Variants in TXNL4A observed in about 807,000 individuals in gnomAD.
TXNL4A encodes the protein thioredoxin-like protein 4A.
In TXNL4A, 17 loss-of-function variants were observed where a neutral mutation model predicts 14.6. The ratio of observed to expected loss-of-function variants is 1.16; its 90% CI spans 0.80 to 1.74. The LOEUF (loss-of-function observed/expected upper bound fraction) is 1.74, where lower values mean the gene tolerates loss of function less well. Ranked by LOEUF, TXNL4A falls within the 40% of genes most tolerant of loss-of-function variation. The probability of loss-of-function intolerance (pLI) is 0.00; values close to 1 mark genes in which losing one functional copy is unlikely to be tolerated. For synonymous variants in TXNL4A, 83 were observed against 70.6 expected (o/e 1.18, Z -0.88); for missense variants, 74 against 195.2 (o/e 0.38, Z 3.70).
intron 2 of TXNL4A, among the ~76,000 whole-genome samples, chr18:79,974,555 T>C (rs918816124): frequency 6.6e-6 from 1 of 152,186 alleles, no homozygotes; most frequent in Admixed American, 6.5e-5. Context: ...TAGGGCATAG[T>C]GGCAAAATCA....
At chr18:79,995,899 G>A (rs551625908) in intron 1 of TXNL4A, among the ~76,000 whole-genome samples, 3 of 151,954 alleles carry the variant, frequency 2.0e-5, no homozygotes, top group African/African-American at 7.2e-5. Flanking sequence ...TCAGGAGATC[G>A]AGACCATCTT....
At chr18:80,016,867 A>G (rs1387344430) in intron 1 of TXNL4A, among the ~76,000 whole-genome samples, 4 of 151,236 alleles carry the variant, frequency 2.6e-5, no homozygotes, top group Non-Finnish European at 5.9e-5. Flanking sequence ...GTTCCATATG[A>G]ACTTTAAAGT....
intron 1 of TXNL4A, among the ~76,000 whole-genome samples, chr18:79,996,782 A>G (rs1419354929): frequency 1.3e-5 from 2 of 152,140 alleles, no homozygotes; most frequent in Non-Finnish European, 2.9e-5. Context: ...GTCTCTAGTA[A>G]AAATACAAAA....
At chr18:79,984,255 G>A (rs942480280) in intron 1 of TXNL4A, among the ~76,000 whole-genome samples, 1 of 152,120 alleles carries the variant, frequency 6.6e-6, no homozygotes, top group African/African-American at 2.4e-5. Flanking sequence ...TGGCTCCTAT[G>A]AAGTTCCATA....
At position 79,988,319 on chromosome 18, in the gene TXNL4A, A is replaced by T. The variant is rs142690672; in HGVS notation, c.74T>A (p.Val25Glu). The change falls in exon 1 of 3, where the codon GTG becomes GAG. Residue 25 changes from valine (V) to glutamate (E), a missense_variant. Physicochemically the swap from Val to Glu is moderately radical, Grantham distance 121. Transcript: ENST00000269601. ...DQAILSEEDR[V>E]VVIRFGHDWD... ...GTCGTGGCCGAAGCGGATGACGACC[A>T]CGCGGTCCTCCTCCGAGAGGATGGC... The T allele has an allele frequency of 6.9e-6, 11 of 1,598,770 alleles. No individual in the cohort carries two copies. The African/African-American group carries it at 1.2e-4, about 18-fold the overall frequency.
chr18:80,012,556 G>C (rs1417393631), intron 1 of TXNL4A, among the ~76,000 whole-genome samples: 1 of 152,176 alleles, frequency 6.6e-6, no homozygotes, highest in African/African-American at 2.4e-5. Context: ...TGGTTCATGA[G>C]AGTTTCAGCT....
In TXNL4A at chr18:79,976,732, C is replaced by T. The variant is rs1316141782; in HGVS notation, c.257+866G>A. The T allele has an allele frequency of 3.7e-5, 17 of 454,604 alleles. No individual in the cohort carries two copies. In the East Asian group the frequency reaches 1.1e-3, roughly 30 times the overall value. The allele number at this position is 454,604 out of a possible 1,614,324, so 28.2% of individuals were successfully genotyped here. ...ACCTTCCTTACCGAGTAGGAGGCTC[C>T]ACTTTTGGAGAATGGTCTAATGCTC... is the stretch of plus-strand genomic sequence containing the variant. On this transcript the variant is annotated intron_variant, in intron 2 of 2. Coordinates refer to ENST00000269601, the MANE Select transcript of TXNL4A (RefSeq NM_006701.5).
intron 1 of TXNL4A, among the ~76,000 whole-genome samples, chr18:80,016,025 T>G (rs1310754373): frequency 7.2e-6 from 1 of 137,934 alleles, no homozygotes; most frequent in African/African-American, 2.7e-5. Context: ...CAGCACCTGT[T>G]GTTTCCTGAC....
intron 1 of TXNL4A, among the ~76,000 whole-genome samples, chr18:80,003,921 C>G (rs575993335): frequency 6.6e-6 from 1 of 152,234 alleles, no homozygotes; most frequent in African/African-American, 2.4e-5. Context: ...CACAACAGCA[C>G]GGGGAAAACC....
chr18:79,973,678 G>A lies in TXNL4A; in HGVS notation c.*7C>T, dbSNP rs1053178270. 2 of 1,608,424 alleles carry A rather than the reference G, an allele frequency of 1.2e-6. No homozygotes were observed. The highest frequency in any genetic ancestry group is 1.7e-6 in the Non-Finnish European group (2 of 1,177,680). On this transcript the variant is annotated 3_prime_UTR_variant, in exon 3 of 3. Coordinates refer to ENST00000269601, the MANE Select transcript of TXNL4A (RefSeq NM_006701.5). ...CACGACATTTATCCGCGCAGACTGA[G>A]GGCGCCTCAGTAGCGGTACTTGGTG...
intron 1 of TXNL4A, among the ~76,000 whole-genome samples, chr18:80,020,848 G>A (rs2051844052): frequency 2.0e-5 from 3 of 152,184 alleles, no homozygotes; most frequent in African/African-American, 7.2e-5. Flanking sequence ...GAGAAATGGG[G>A]AAATAGTCTT....
In TXNL4A at chr18:79,971,153, T is replaced by C. The variant is rs2051296969; in HGVS notation, c.*2532A>G. Reference sequence around the variant, plus strand: ...GCTTTTCACTTACAGTACTTCATTCTGTTTATGACTGAATAATATTCCGTT... The same window carrying C: ...GCTTTTCACTTACAGTACTTCATTCCGTTTATGACTGAATAATATTCCGTT... On this transcript the variant is annotated 3_prime_UTR_variant, in exon 3 of 3. Coordinates refer to ENST00000269601, the MANE Select transcript of TXNL4A (RefSeq NM_006701.5). 1 of 152,460 alleles carries C rather than the reference T, an allele frequency of 6.6e-6. No individual in the cohort carries two copies. The highest frequency in any genetic ancestry group is 1.5e-5 in the Non-Finnish European group (1 of 68,202). The allele number at this position is 152,460 out of a possible 1,614,324, so 9.4% of individuals were successfully genotyped here. A position where few individuals can be genotyped will look rare whatever the true frequency, so the allele number is the denominator to read the frequency against.
rs377158684 is a variant in TXNL4A at position 79,983,418 on chromosome 18, G to A, written c.153+4822C>T. Among the ~76,000 whole-genome samples the A allele has an allele frequency of 1.1e-4, 17 of 152,294 alleles. No homozygotes were observed. In the South Asian group the frequency reaches 3.1e-3, roughly 28 times the overall value. On this transcript the variant is annotated intron_variant, in intron 1 of 2. Transcript: ENST00000269601. ...GGCAAGTCAGCAATTAAAGTGCTCA[G>A]CAGTTCTTCCGCATGCCTCTAAGTC...
chr18:79,989,446 C>G (rs1443608388), upstream of TXNL4A, among the ~76,000 whole-genome samples: 1 of 152,192 alleles, frequency 6.6e-6, no homozygotes, highest in African/African-American at 2.4e-5. Flanking sequence ...AGCATAACTT[C>G]CACCTCCAGG....
At chr18:79,991,842 G>C (rs1360662161), upstream of TXNL4A, among the ~76,000 whole-genome samples, 1 of 152,192 alleles carries the variant, frequency 6.6e-6, no homozygotes, top group East Asian at 1.9e-4. Flanking sequence ...CCAAGGTTGA[G>C]GATGCATCCA....
intron 1 of TXNL4A, among the ~76,000 whole-genome samples, chr18:80,013,460 A>G (rs531597475): frequency 4.7e-5 from 7 of 149,490 alleles, no homozygotes; most frequent in African/African-American, 1.7e-4. Context: ...TTTGAGATGG[A>G]GTCTCACTCT....
At chr18:80,026,335 C>T (rs2051884311) in intron 1 of TXNL4A, among the ~76,000 whole-genome samples, 2 of 152,212 alleles carry the variant, frequency 1.3e-5, no homozygotes, top group African/African-American at 4.8e-5. Context: ...ACCCTTCCCT[C>T]CCAGTCTGTT....
At chr18:79,979,510 T>C (rs1298835609) in intron 1 of TXNL4A, 4 of 152,406 alleles carry the variant, frequency 2.6e-5, no homozygotes, top group Non-Finnish European at 4.4e-5. Context: ...TTGTTCCAAG[T>C]GTGTGACACT....
chr18:79,979,645 G>A (rs1017652813), intron 1 of TXNL4A: 1 of 152,628 alleles, frequency 6.6e-6, no homozygotes, highest in African/African-American at 2.4e-5. Flanking sequence ...GCAGAACTGT[G>A]AGCCAATTAA....
Sources: allele counts gnomAD v4.1 joint callset (sites outside exome capture counted in the v4.1 genomes callset), GRCh38; gene constraint gnomAD v4.1.1; transcripts MANE v1.5; gene names NCBI Gene and HGNC (gene_info 2026-07-23, HGNC 2026-07-21).